The following LIPA variants were observed in gnomAD, a reference collection of about 807,000 sequenced individuals.
LIPA encodes lipase A, lysosomal acid type, also known as lysosomal acid lipase/cholesteryl ester hydrolase.
A neutral mutation model predicts 40.6 loss-of-function variants in LIPA; 26 were observed. The ratio of observed to expected loss-of-function variants is 0.64; its 90% CI spans 0.47 to 0.89. The LOEUF is 0.89. Among genes scored for constraint, LIPA ranks in the 40% least tolerant of loss-of-function variants. The probability of loss-of-function intolerance (pLI) is 0.00; values close to 1 mark genes in which losing one functional copy is unlikely to be tolerated. For missense variants in LIPA, 455 were observed against 479.6 expected, an observed-to-expected ratio of 0.95 and a Z score of 0.48; for synonymous variants, 188 against 168.4, an observed-to-expected ratio of 1.12 and a Z score of -0.90.
intron 1 of LIPA, among the ~76,000 whole-genome samples, chr10:89,326,501 T>C (rs552142479): frequency 7.2e-5 from 11 of 152,252 alleles, no homozygotes; most frequent in African/African-American, 2.4e-4. Context: ...TTAGATAGAA[T>C]TAATAAGATC....
At chr10:89,284,605 CTT>C (rs1350673272) in intron 1 of LIPA, 1 of 152,152 alleles carries the variant, frequency 6.6e-6, no homozygotes, top group Non-Finnish European at 1.5e-5. Flanking sequence ...ACTAAAGAAA[CTT>C]TGGAAAAATG....
intron 1 of LIPA, among the ~76,000 whole-genome samples, chr10:89,286,948 T>C (rs1843344183): frequency 6.6e-6 from 1 of 152,242 alleles, no homozygotes; most frequent in South Asian, 2.1e-4. Context: ...CTAGAGGACC[T>C]TCTCCATCAG....
intron 8 of LIPA, among the ~76,000 whole-genome samples, chr10:89,219,684 C>T (rs913702891): frequency 2.0e-5 from 3 of 152,234 alleles, no homozygotes; most frequent in Non-Finnish European, 2.9e-5. Context: ...CCAGCTTCCA[C>T]AGAAGCCTTT....
At chr10:89,236,040 C>G (rs1842901136) in intron 3 of LIPA, among the ~76,000 whole-genome samples, 2 of 151,868 alleles carry the variant, frequency 1.3e-5, no homozygotes, top group Non-Finnish European at 2.9e-5. Flanking sequence ...AACTAACAGA[C>G]CAACTCTGTA....
intron 2 of LIPA, among the ~76,000 whole-genome samples, chr10:89,389,939 C>A (rs1022307860): frequency 1.3e-5 from 2 of 148,552 alleles, no homozygotes; most frequent in East Asian, 2.0e-4. Flanking sequence ...CGGCTCAGGG[C>A]GCAGGTCTAC....
At chr10:89,230,473 A>AT (rs1248407975) in intron 3 of LIPA, among the ~76,000 whole-genome samples, 4 of 151,940 alleles carry the variant, frequency 2.6e-5, no homozygotes, top group African/African-American at 9.7e-5. Flanking sequence ...CACCCAGCTA[A>AT]TTTTTGTGTT....
chr10:89,301,227 C>T (rs533220313), intron 1 of LIPA, among the ~76,000 whole-genome samples: 22 of 152,176 alleles, frequency 1.4e-4, no homozygotes, highest in Non-Finnish European at 2.9e-4. Context: ...ACATCACTGC[C>T]CATGCTTCTA....
At chr10:89,387,884 T>C (rs1389658184) in intron 2 of LIPA, among the ~76,000 whole-genome samples, 1 of 152,100 alleles carries the variant, frequency 6.6e-6, no homozygotes, top group Non-Finnish European at 1.5e-5. Context: ...ACTCTCAACT[T>C]TTCTCTCTGC....
intron 1 of LIPA, among the ~76,000 whole-genome samples, chr10:89,288,589 T>C (rs990817068): frequency 2.0e-5 from 3 of 152,104 alleles, no homozygotes; most frequent in Non-Finnish European, 2.9e-5. Flanking sequence ...CTACCTGACA[T>C]TCACTCCATT....
chr10:89,249,421 G>A (rs1843082016), intron 1 of LIPA, among the ~76,000 whole-genome samples: 1 of 152,216 alleles, frequency 6.6e-6, no homozygotes, highest in Non-Finnish European at 1.5e-5. Flanking sequence ...TTAAAAAGAT[G>A]CAGGCATGTA....
At chr10:89,332,047 A>G (rs1200837451) in intron 1 of LIPA, among the ~76,000 whole-genome samples, 1 of 152,124 alleles carries the variant, frequency 6.6e-6, no homozygotes, top group Non-Finnish European at 1.5e-5. Flanking sequence ...CCTGACCAAC[A>G]TGGTGAAACC....
At chr10:89,401,811 A>G (rs575225255) in intron 2 of LIPA, among the ~76,000 whole-genome samples, 30 of 151,982 alleles carry the variant, frequency 2.0e-4, no homozygotes, top group African/African-American at 6.5e-4. Context: ...AACCCGGGTC[A>G]AATATTATCT....
intron 1 of LIPA, among the ~76,000 whole-genome samples, chr10:89,267,243 G>T (rs1843240988): frequency 6.6e-6 from 1 of 152,146 alleles, no homozygotes; most frequent in Admixed American, 6.5e-5. Context: ...CAGTTGTTGG[G>T]CAGGGGAAGC....
rs144902182 is a variant in LIPA at position 89,390,147 on chromosome 10, C to A, written c.61+22644G>T. On this transcript the variant is annotated intron_variant, in intron 2 of 8. Coordinates refer to the LIPA transcript ENST00000371837. Reference sequence around the variant, plus strand: ...GATTACAGGCATGTGCCACCACGCCCGGCTAATTATGTATTTTTAGTAGAG... The same window carrying A: ...GATTACAGGCATGTGCCACCACGCCAGGCTAATTATGTATTTTTAGTAGAG... Among the ~76,000 whole-genome samples the A allele has an allele frequency of 3.9e-3, 598 of 151,946 alleles. 6 individuals carry two copies. Among genetic ancestry groups the A allele is most frequent in the African/African-American group, 0.014 (561 of 41,434 alleles).
chr10:89,336,202 G>A (rs1304858545), intron 1 of LIPA, among the ~76,000 whole-genome samples: 2 of 150,184 alleles, frequency 1.3e-5, no homozygotes, highest in African/African-American at 2.4e-5. Flanking sequence ...AGGAAAGAAG[G>A]AAAATAGGGA....
chr10:89,262,118 T>A (rs985735702), intron 1 of LIPA, among the ~76,000 whole-genome samples: 16 of 152,176 alleles, frequency 1.1e-4, no homozygotes, highest in African/African-American at 3.9e-4. Context: ...AACAAGATTT[T>A]TATTGTTACC....
chr10:89,392,606 T>G, intron 2 of LIPA: 2 of 1,248,568 alleles, frequency 1.6e-6, no homozygotes, highest in Non-Finnish European at 2.4e-6. Context: ...TATAACACTG[T>G]CTTGGGGTTT....
Position 89,340,255 on chromosome 10 carries a change from C to T in LIPA, c.-2+2356G>A, listed in dbSNP as rs2133573900. 8 of 1,036,100 alleles carry T rather than the reference C, an allele frequency of 7.7e-6. No individual in the cohort carries two copies. The East Asian group carries it at 1.6e-4, about 20-fold the overall frequency. 64.2% of individuals were successfully genotyped at this position (1,036,100 alleles called of 1,614,324 possible). ...AAGCTTTGCATGTTGCTCTAAGGTA[C>T]ATTTTTAAAGAGTTGTTTTTTGGCC... is the stretch of plus-strand genomic sequence containing the variant. On this transcript the variant is annotated intron_variant, in intron 1 of 5. Transcript: ENST00000282673.
chr10:89,318,664 A>G (rs1564784940), intron 1 of LIPA, among the ~76,000 whole-genome samples: 1 of 152,222 alleles, frequency 6.6e-6, no homozygotes, highest in Non-Finnish European at 1.5e-5. Flanking sequence ...CGAGACAGAA[A>G]GTTAACAAGG....
Sources: allele counts gnomAD v4.1 joint callset (sites outside exome capture counted in the v4.1 genomes callset), GRCh38; gene constraint gnomAD v4.1.1; transcripts MANE v1.5; gene names NCBI Gene and HGNC (gene_info 2026-07-23, HGNC 2026-07-21).